PID1: variants seen among roughly 807,000 people sequenced by gnomAD.
PID1 encodes phosphotyrosine interaction domain containing 1, also known as PTB-containing, cubilin and LRP1-interacting protein.
Under a neutral mutation model 19.1 loss-of-function variants are expected in PID1, and 10 were observed. The observed-to-expected ratio is 0.52, with a 90% CI of 0.32 to 0.89. The LOEUF (loss-of-function observed/expected upper bound fraction) is 0.89, where lower values mean the gene tolerates loss of function less well. Ranked by LOEUF, PID1 falls within the 40% of genes least tolerant of loss-of-function variation. The pLI is 0.03. For synonymous variants in PID1, 130 were observed against 116.0 expected, an observed-to-expected ratio of 1.12 and a Z score of -0.78; for missense variants, 248 against 285.3, an observed-to-expected ratio of 0.87 and a Z score of 0.94.
intron 2 of PID1, among the ~76,000 whole-genome samples, chr2:229,153,259 T>C (rs1690294172): frequency 6.6e-6 from 1 of 152,224 alleles, no homozygotes; most frequent in East Asian, 1.9e-4. Flanking sequence ...ATTCTGTCAA[T>C]AGTATACAAT....
At chr2:229,180,986 G>C (rs1245138670) in intron 1 of PID1, among the ~76,000 whole-genome samples, 2 of 152,182 alleles carry the variant, frequency 1.3e-5, no homozygotes, top group Non-Finnish European at 2.9e-5. Context: ...CCCATTCCAG[G>C]GCACCCTGCC....
intron 2 of PID1, among the ~76,000 whole-genome samples, chr2:229,048,139 A>G (rs1574583712): frequency 6.6e-6 from 1 of 152,182 alleles, no homozygotes; most frequent in South Asian, 2.1e-4. Flanking sequence ...GGTGTGAATA[A>G]ATCAGTTACA....
At chr2:229,186,512 C>T (rs1338218582) in intron 1 of PID1, among the ~76,000 whole-genome samples, 1 of 152,226 alleles carries the variant, frequency 6.6e-6, no homozygotes, top group East Asian at 1.9e-4. Flanking sequence ...GCTGCTAAAG[C>T]TTGAGGCTTT....
chr2:229,029,397 C>T (rs1693497573), intron 2 of PID1, among the ~76,000 whole-genome samples: 1 of 150,870 alleles, frequency 6.6e-6, no homozygotes, highest in Non-Finnish European at 1.5e-5. Context: ...TACCACTTCG[C>T]ACCTGTTAGG....
intron 2 of PID1, among the ~76,000 whole-genome samples, chr2:229,037,517 C>T (rs1306909607): frequency 6.6e-6 from 1 of 152,166 alleles, no homozygotes; most frequent in Non-Finnish European, 1.5e-5. Flanking sequence ...GCAATTTGTC[C>T]TGTCAATTGG....
chr2:229,103,719 G>A (rs1695119028), intron 2 of PID1, among the ~76,000 whole-genome samples: 1 of 152,036 alleles, frequency 6.6e-6, no homozygotes, highest in African/African-American at 2.4e-5. Flanking sequence ...TGGGATTACA[G>A]GTGCCCGCCA....
At position 229,069,143 on chromosome 2, in the gene PID1, T is replaced by TGTGTGTGTGTGTG. The variant is rs1553559154; in HGVS notation, c.178-43036_178-43035insCACACACACACAC. On this transcript the variant is annotated intron_variant, in intron 2 of 2. Transcript: ENST00000392055. ...TTCCTTTCTTTAACGAGAAGGGTTT[T>TGTGTGTGTGTGTG]TGTGTGTGTGTGTGTGTGTGTGTGT... Among the ~76,000 whole-genome samples, 897 of 140,676 alleles carry TGTGTGTGTGTGTG rather than the reference T, an allele frequency of 6.4e-3. 5 individuals are homozygous for TGTGTGTGTGTGTG. The highest frequency in any genetic ancestry group is 8.9e-3 in the South Asian group (37 of 4,172). The allele number at this position is 140,676 out of a possible 152,430, so 92.3% of individuals were successfully genotyped here.
At chr2:229,191,828 CA>C (rs1377697723) in intron 1 of PID1, among the ~76,000 whole-genome samples, 1 of 152,142 alleles carries the variant, frequency 6.6e-6, no homozygotes, top group African/African-American at 2.4e-5. Context: ...GTATCACAAA[CA>C]GGTTTAGAAA....
intron 2 of PID1, among the ~76,000 whole-genome samples, chr2:229,107,909 G>A (rs1296313796): frequency 2.6e-5 from 4 of 152,214 alleles, no homozygotes; most frequent in Non-Finnish European, 5.9e-5. Context: ...TAAAGCTTGA[G>A]AAGCTCTCAT....
chr2:229,125,314 G>A (rs773824535), intron 2 of PID1, among the ~76,000 whole-genome samples: 1 of 151,608 alleles, frequency 6.6e-6, no homozygotes, highest in African/African-American at 2.4e-5. Flanking sequence ...TGTGGTATGA[G>A]TAAGAAATAA....
intron 2 of PID1, among the ~76,000 whole-genome samples, chr2:229,028,504 G>A (rs1693474665): frequency 6.6e-6 from 1 of 152,088 alleles, no homozygotes; most frequent in South Asian, 2.1e-4. Flanking sequence ...CCATCCAATG[G>A]GAGAAAATAT....
intron 1 of PID1, among the ~76,000 whole-genome samples, chr2:229,177,987 G>A (rs1047107729): frequency 2.0e-5 from 3 of 152,146 alleles, no homozygotes; most frequent in African/African-American, 4.8e-5. Context: ...TCTCCCCACC[G>A]ACAAACCTTC....
intron 1 of PID1, among the ~76,000 whole-genome samples, chr2:229,174,625 A>C (rs1690778326): frequency 6.6e-6 from 1 of 151,702 alleles, no homozygotes; most frequent in Admixed American, 6.6e-5. Context: ...TCAGTACCAC[A>C]GATATACTGT....
At chr2:229,121,713 G>A (rs1462403986) in intron 2 of PID1, among the ~76,000 whole-genome samples, 2 of 152,116 alleles carry the variant, frequency 1.3e-5, no homozygotes, top group African/African-American at 2.4e-5. Flanking sequence ...GTATGGAGGG[G>A]GGAGGTATTT....
At chr2:229,161,606 T>A (rs1241493721) in intron 1 of PID1, among the ~76,000 whole-genome samples, 1 of 152,242 alleles carries the variant, frequency 6.6e-6, no homozygotes, top group Admixed American at 6.5e-5. Context: ...AAAGTGAATC[T>A]TGTACTTATT....
intron 2 of PID1, among the ~76,000 whole-genome samples, chr2:229,118,964 A>T (rs1177153133): frequency 6.6e-6 from 1 of 152,224 alleles, no homozygotes; most frequent in African/African-American, 2.4e-5. Flanking sequence ...TGCTCAAAAA[A>T]ATTCCAACTG....
At position 229,247,032 on chromosome 2, in the gene PID1, C is replaced by T. The variant is rs182966903; in HGVS notation, c.30+23982G>A. 2.0e-5 allele frequency among the ~76,000 whole-genome samples: 3 copies of T among 152,120 alleles called. No homozygotes were observed. In the East Asian group the frequency reaches 5.8e-4, roughly 29 times the overall value. On this transcript the variant is annotated intron_variant, in intron 1 of 2. Coordinates refer to ENST00000392055, the MANE Select transcript of PID1 (RefSeq NM_001100818.2). ...TAAGAAAAATTCTACTCAGGGAAAA[C>T]AGAAAGGGAATATAAATAAAACCAG...
chr2:229,269,386 A>G (rs1056981133), intron 1 of PID1, among the ~76,000 whole-genome samples: 10 of 152,258 alleles, frequency 6.6e-5, no homozygotes, highest in Admixed American at 2.0e-4. Flanking sequence ...GCCAAGGGTC[A>G]CATGCTCCAG....
At chr2:229,206,674 T>C (rs1288361110) in intron 1 of PID1, among the ~76,000 whole-genome samples, 1 of 152,200 alleles carries the variant, frequency 6.6e-6, no homozygotes, top group East Asian at 1.9e-4. Flanking sequence ...CTCAAACATT[T>C]TATTTTATGT....
Sources: gnomAD v4.1 joint callset for allele counts (sites outside exome capture counted in the v4.1 genomes callset) on GRCh38, gnomAD v4.1.1 for gene constraint, MANE v1.5 for transcripts, NCBI Gene and HGNC (gene_info 2026-07-23, HGNC 2026-07-21) for gene names.